OTOG: variants seen among roughly 807,000 people sequenced by gnomAD.
The protein encoded by OTOG is otogelin.
A neutral mutation model predicts 313.8 loss-of-function variants in OTOG; 296 were observed. The ratio of observed to expected loss-of-function variants is 0.94; its 90% CI spans 0.86 to 1.04. OTOG has a LOEUF of 1.04. Ranked by LOEUF, OTOG falls within the 50% of genes least tolerant of loss-of-function variation. The pLI is 0.00. For synonymous variants in OTOG, 1,533 were observed against 1,554.9 expected (o/e 0.99, Z 0.33); for missense variants, 3,948 against 3,840.1 (o/e 1.03, Z -0.74).
chr11:17,638,378 G>C, intron 47 of OTOG, 73 bp from the exon 48 acceptor site: 1 of 1,258,476 alleles, frequency 7.9e-7, no homozygotes, highest in Non-Finnish European at 1.1e-6. Flanking sequence ...TCTTTAGCCA[G>C]TGTTGCCCTT....
At chr11:17,612,089 G>A in intron 36 of OTOG, 73 bp from the exon 37 acceptor site, 2 of 1,510,346 alleles carry the variant, frequency 1.3e-6, no homozygotes, top group South Asian at 2.4e-5. Context: ...GGAAGGATCT[G>A]GTGCCATCAC....
chr11:17,624,047 G>A (rs1488704033), intron 39 of OTOG, among the ~76,000 whole-genome samples: 1 of 152,184 alleles, frequency 6.6e-6, no homozygotes, highest in African/African-American at 2.4e-5. Context: ...ATAGATACTG[G>A]ATGTAAGATC....
Position 17,602,291 on chromosome 11 carries a change from T to C in OTOG, c.3791T>C (p.Ile1264Thr), listed in dbSNP as rs765797091. ...LVGMKAVGDD[I>T]VLVRTEDVAP... The stretch of plus-strand genomic sequence containing the variant: ...GGCATGAAGGCGGTGGGCGATGACA[T>C]AGTCCTAGTGAGGACAGAGGATGTG... Residue 1264 changes from isoleucine (I) to threonine (T), a missense_variant, in exon 32 of 56, where the codon ATA becomes ACA. By Grantham distance (89) the Ile-to-Thr change is moderately conservative (BLOSUM62 -1). Transcript: ENST00000399397. The C allele has an allele frequency of 1.9e-6, 3 of 1,550,574 alleles. No individual in the cohort carries two copies. The highest frequency in any genetic ancestry group is 2.6e-6 in the Non-Finnish European group (3 of 1,146,956).
chr11:17,575,594 A>C (rs1852505648), intron 20 of OTOG, among the ~76,000 whole-genome samples: 1 of 152,190 alleles, frequency 6.6e-6, no homozygotes. Context: ...TCTTGGGGCG[A>C]CTGGCAAGGT....
chr11:17,595,355 G>A (rs1853066971), intron 28 of OTOG, among the ~76,000 whole-genome samples: 1 of 152,218 alleles, frequency 6.6e-6, no homozygotes, highest in South Asian at 2.1e-4. Flanking sequence ...TGTAGTCTAA[G>A]GAAGGAGATT....
Position 17,593,735 on chromosome 11 carries a change from C to G in OTOG, c.3267C>G (p.Val1089=), listed in dbSNP as rs1013032143. ...GGGACCAGAGAACCACAGTGCACGTCCAGGCTGGGCCTCAGTGGCAGGTAC... is the reference window on the plus strand; with the variant it reads ...GGGACCAGAGAACCACAGTGCACGTGCAGGCTGGGCCTCAGTGGCAGGTAC... The part of the protein sequence containing the change: ...LLWDQRTTVH[V]QAGPQWQGQL... Residue 1089 remains valine, a synonymous_variant, in exon 27 of 56, where the codon GTC becomes GTG. Transcript: ENST00000399397. 6.5e-7 allele frequency: 1 copy of G among 1,548,512 alleles called. No individual in the cohort carries two copies. Among genetic ancestry groups the G allele is most frequent in the Non-Finnish European group, 8.7e-7 (1 of 1,146,920 alleles).
chr11:17,570,689 G>T, intron 17 of OTOG: 1 of 273,676 alleles, frequency 3.7e-6, no homozygotes, highest in Non-Finnish European at 6.9e-6. Flanking sequence ...TAAGATTCCA[G>T]TATGGGAGGT....
intron 28 of OTOG, among the ~76,000 whole-genome samples, chr11:17,595,074 G>A (rs1469115480): frequency 2.0e-5 from 3 of 152,190 alleles, no homozygotes; most frequent in Non-Finnish European, 2.9e-5. Flanking sequence ...GGAAGTACAC[G>A]GAGATGAGCC....
intron 47 of OTOG, among the ~76,000 whole-genome samples, chr11:17,637,687 C>T (rs111372399): frequency 6.8e-4 from 103 of 152,222 alleles, no homozygotes; most frequent in East Asian, 5.8e-4. Flanking sequence ...GGGTGATGAC[C>T]GTAATCCTAA....
rs190091575 is a variant in OTOG at position 17,613,716 on chromosome 11, C to G, written c.6528+15C>G. 1.4e-4 allele frequency: 213 copies of G among 1,548,120 alleles called. 1 individual carries two copies. In the African/African-American group the frequency reaches 2.5e-3, roughly 18 times the overall value. On this transcript the variant is annotated intron_variant, in intron 39 of 55. Transcript: ENST00000399397. Reference sequence around the variant, plus strand: ...TCAACCGAAAGGTGAGTGCATCAAACAGCCAGCCTCCAGGGCAGGGCCACA... The same window carrying G: ...TCAACCGAAAGGTGAGTGCATCAAAGAGCCAGCCTCCAGGGCAGGGCCACA...
rs1468926169 is a variant in OTOG, at chr11:17,635,056, A to C, written c.7586-24A>C. On this transcript the variant is annotated intron_variant, in intron 45 of 55. Coordinates refer to ENST00000399397, the MANE Select transcript of OTOG (RefSeq NM_001292063.2). ...TGGCCAGGCAGGTTCCTCTCCCAGC[A>C]CCTAAATTCAGCCTTTTCCCCAGAG... The C allele has an allele frequency of 8.4e-6, 13 of 1,541,856 alleles. No homozygotes were observed. The Admixed American group carries it at 2.4e-4, about 28-fold the overall frequency.
intron 24 of OTOG, among the ~76,000 whole-genome samples, chr11:17,589,358 A>G (rs1290361016): frequency 6.6e-6 from 1 of 151,976 alleles, no homozygotes; most frequent in Non-Finnish European, 1.5e-5. Context: ...TCAGCTGATG[A>G]TACTGCTTCC....
chr11:17,559,768 AAAGGAGGGAG>A, intron 12 of OTOG, 106 bp downstream of exon 12: 1 of 1,027,484 alleles, frequency 9.7e-7, no homozygotes, highest in African/African-American at 1.6e-5. Context: ...GGAAGGAAGG[AAAGGAGGGAG>A]GGAGGGAGGG....
At chr11:17,582,030 T>C (rs1590018627) in intron 23 of OTOG, among the ~76,000 whole-genome samples, 4 of 152,354 alleles carry the variant, frequency 2.6e-5, no homozygotes, top group Admixed American at 2.6e-4. Flanking sequence ...CCCGGTAGTA[T>C]TCCATTGTAT....
At chr11:17,629,829 T>C (rs1269356531) in intron 40 of OTOG, among the ~76,000 whole-genome samples, 1 of 152,122 alleles carries the variant, frequency 6.6e-6, no homozygotes, top group Admixed American at 6.5e-5. Context: ...CCTAAAAGAT[T>C]GAATGTATTC....
intron 3 of OTOG, among the ~76,000 whole-genome samples, chr11:17,549,665 T>C (rs1250671427): frequency 6.6e-6 from 1 of 152,128 alleles, no homozygotes; most frequent in Non-Finnish European, 1.5e-5. Flanking sequence ...GTGGGGGAGA[T>C]GACCCTTCTC....
chr11:17,570,190 C>G, intron 16 of OTOG, 23 bp from the exon 17 acceptor site: 19 of 1,547,768 alleles, frequency 1.2e-5, no homozygotes, highest in Non-Finnish European at 1.7e-5. Flanking sequence ...CTCCCACTCT[C>G]TCCTTTTGGA....
At chr11:17,632,286 G>T in intron 42 of OTOG, 60 bp downstream of exon 42, 1 of 1,495,430 alleles carries the variant, frequency 6.7e-7, no homozygotes, top group Admixed American at 2.1e-5. Context: ...CCCTGTTAAA[G>T]TGGGAAAAGG....
Position 17,558,572 on chromosome 11 carries a change from C to T in OTOG, c.1031C>T (p.Pro344Leu), listed in dbSNP as rs1269292731. 1 of 1,550,520 alleles carries T rather than the reference C, an allele frequency of 6.4e-7. No homozygotes were observed. The highest frequency in any genetic ancestry group is 8.7e-7 in the Non-Finnish European group (1 of 1,147,000). The change falls in exon 10 of 56, where the codon CCC becomes CTC. Residue 344 changes from proline (P) to leucine (L), a missense_variant. Coordinates refer to ENST00000399397, the MANE Select transcript of OTOG (RefSeq NM_001292063.2). ...VYEQCEALLR[P>L]PFDACHAYVS... ...GAGCAGTGTGAGGCTCTACTGCGGCCCCCCTTTGACGCCTGCCACGCCTAC... is the reference window on the plus strand; with the variant it reads ...GAGCAGTGTGAGGCTCTACTGCGGCTCCCCTTTGACGCCTGCCACGCCTAC...
Sources: gnomAD v4.1 joint callset for allele counts (sites outside exome capture counted in the v4.1 genomes callset) on GRCh38, gnomAD v4.1.1 for gene constraint, MANE v1.5 for transcripts, NCBI Gene and HGNC (gene_info 2026-07-23, HGNC 2026-07-21) for gene names.